The following NBAS variants were observed in gnomAD, a reference collection of about 807,000 sequenced individuals.
The protein encoded by NBAS is NBAS subunit of NRZ tethering complex.
In NBAS, 219 loss-of-function variants were observed where a neutral mutation model predicts 302.5. The ratio of observed to expected loss-of-function variants is 0.72; its 90% CI spans 0.65 to 0.81. NBAS has a LOEUF of 0.81. Among genes scored for constraint, NBAS ranks in the 30% least tolerant of loss-of-function variants. NBAS has a pLI of 0.00. For synonymous variants in NBAS, 1,118 were observed against 1,021.6 expected (o/e 1.09, Z -1.80); for missense variants, 2,932 against 2,841.6 (o/e 1.03, Z -0.72).
rs1679495833 is a variant in NBAS, at chr2:15,461,291, G to A, written c.2249C>T (p.Ser750Phe). 1.2e-6 allele frequency: 2 copies of A among 1,613,170 alleles called. No homozygotes were observed. The highest frequency in any genetic ancestry group is 2.7e-5 in the African/African-American group (2 of 74,906). ...ALEILFTYHG[S>F]DLLPHRLAIL... is the part of the protein sequence containing the mutation. Reference sequence around the variant, plus strand: ...TGCAAGGCGATGAGGAAGCAGGTCGGAACCATGGTAAGTAAACAGAATTTC... The same window carrying A: ...TGCAAGGCGATGAGGAAGCAGGTCGAAACCATGGTAAGTAAACAGAATTTC... Residue 750 changes from serine to phenylalanine, a missense_variant, in exon 21 of 52, where the codon TCC becomes TTC. Ser to Phe is a radical substitution (Grantham distance 155). Transcript: ENST00000281513.
chr2:14,891,644 T>C, the NBAS span, among the ~76,000 whole-genome samples: 1 of 152,156 alleles, frequency 6.6e-6, no homozygotes, highest in African/African-American at 2.4e-5. Flanking sequence ...GGAGAGCAAA[T>C]GGAGTAGTCC....
intron 8 of NBAS, among the ~76,000 whole-genome samples, chr2:15,534,858 CT>C (rs1340488063): frequency 6.6e-6 from 1 of 152,140 alleles, no homozygotes; most frequent in East Asian, 1.9e-4. Flanking sequence ...TATGTCTCCC[CT>C]ATGACCCAGC....
At chr2:15,333,840 T>TAA (rs554151194) in intron 35 of NBAS, among the ~76,000 whole-genome samples, 1,064 of 92,432 alleles carry the variant, frequency 0.012, 16 homozygotes, top group South Asian at 0.085. Context: ...ACAGTGGAGG[T>TAA]AAAAAAAAAA....
chr2:15,410,632 A>C (rs1273492796), intron 25 of NBAS, among the ~76,000 whole-genome samples: 1 of 152,218 alleles, frequency 6.6e-6, no homozygotes, highest in Admixed American at 6.5e-5. Flanking sequence ...AAAAAGATAA[A>C]ATCTTTGCAT....
chr2:15,275,848 T>C (rs368389319), intron 43 of NBAS, 30 bp from the exon 44 acceptor site: 2 of 1,586,272 alleles, frequency 1.3e-6, no homozygotes, highest in Admixed American at 1.7e-5. Flanking sequence ...AGTAGGTAAG[T>C]GGTTCATTCC....
chr2:15,238,728 T>C (rs1405547837), intron 44 of NBAS, 42 bp from the exon 45 acceptor site: 2 of 1,532,324 alleles, frequency 1.3e-6, no homozygotes, highest in Non-Finnish European at 1.8e-6. Context: ...CCTGCATTAT[T>C]ACCTATTGCA....
chr2:15,367,400 T>C (rs1014872527), intron 31 of NBAS, among the ~76,000 whole-genome samples: 2 of 152,144 alleles, frequency 1.3e-5, no homozygotes, highest in African/African-American at 2.4e-5. Flanking sequence ...CCCCCAATAA[T>C]TATAATAACA....
At chr2:14,971,448 G>A in the NBAS span, among the ~76,000 whole-genome samples, 1 of 152,188 alleles carries the variant, frequency 6.6e-6, no homozygotes, top group Admixed American at 6.5e-5. Flanking sequence ...TCAGGAGACG[G>A]AGGTTGCAGT....
At chr2:15,201,306 C>T (rs908469124) in intron 48 of NBAS, among the ~76,000 whole-genome samples, 1 of 152,210 alleles carries the variant, frequency 6.6e-6, no homozygotes, top group African/African-American at 2.4e-5. Flanking sequence ...TCAGCTTCAA[C>T]AGATATACAG....
the NBAS span, among the ~76,000 whole-genome samples, chr2:15,098,024 A>C: frequency 4.6e-4 from 13 of 28,108 alleles, no homozygotes; most frequent in African/African-American, 3.2e-3. Context: ...TATTGTATAT[A>C]ATATATATAT....
At chr2:14,869,194 T>G in the NBAS span, among the ~76,000 whole-genome samples, 3 of 152,226 alleles carry the variant, frequency 2.0e-5, no homozygotes, top group African/African-American at 7.2e-5. Flanking sequence ...GCCTCTTTCT[T>G]GCTCTTTGCC....
the NBAS span, among the ~76,000 whole-genome samples, chr2:14,783,720 T>G: frequency 2.0e-5 from 3 of 152,026 alleles, no homozygotes; most frequent in Non-Finnish European, 4.4e-5. Context: ...CAGTCTATCA[T>G]TGTTGGACAT....
intron 17 of NBAS, 89 bp from the exon 18 acceptor site, chr2:15,467,893 A>C: frequency 9.0e-7 from 1 of 1,104,980 alleles, no homozygotes; most frequent in Non-Finnish European, 1.3e-6. Context: ...TGATTTCATT[A>C]TTGATTTCCA....
chr2:15,093,628 A>G, the NBAS span, among the ~76,000 whole-genome samples: 3 of 152,226 alleles, frequency 2.0e-5, no homozygotes, highest in African/African-American at 7.2e-5. Flanking sequence ...AAGATTTTCT[A>G]TAAGGAACTT....
chr2:15,508,728 G>A (rs1391752735), intron 10 of NBAS, among the ~76,000 whole-genome samples: 2 of 152,248 alleles, frequency 1.3e-5, no homozygotes, highest in African/African-American at 4.8e-5. Context: ...ACTTGGCCGG[G>A]CATGGTGGCT....
chr2:14,849,566 G>C, the NBAS span, among the ~76,000 whole-genome samples: 4 of 150,264 alleles, frequency 2.7e-5, no homozygotes, highest in Non-Finnish European at 4.4e-5. Context: ...TTCAGATTCA[G>C]GAAATACAGA....
At chr2:15,450,152 AAAG>A (rs1313230181) in intron 21 of NBAS, among the ~76,000 whole-genome samples, 1 of 152,214 alleles carries the variant, frequency 6.6e-6, no homozygotes, top group Non-Finnish European at 1.5e-5. Context: ...GGGAATACAA[AAAG>A]AAATAACAGG....
the NBAS span, among the ~76,000 whole-genome samples, chr2:14,780,771 C>A: frequency 1.3e-5 from 2 of 152,216 alleles, no homozygotes; most frequent in Admixed American, 6.5e-5. Flanking sequence ...AAATCTTTAT[C>A]ATGCTGCACT....
At chr2:15,275,119 A>T (rs1215912723) in intron 44 of NBAS, among the ~76,000 whole-genome samples, 1 of 152,094 alleles carries the variant, frequency 6.6e-6, no homozygotes, top group Admixed American at 6.6e-5. Flanking sequence ...ACCCAAGCTA[A>T]GTTGTTAGCC....
Sources: allele counts gnomAD v4.1 joint callset (sites outside exome capture counted in the v4.1 genomes callset), GRCh38; gene constraint gnomAD v4.1.1; transcripts MANE v1.5; gene names NCBI Gene and HGNC (gene_info 2026-07-23, HGNC 2026-07-21).